Variants in DENND4C observed in about 807,000 individuals in gnomAD.
The protein encoded by DENND4C is DENN domain-containing protein 4C.
In DENND4C, 108 loss-of-function variants were observed where a neutral mutation model predicts 203.0. That is an observed-to-expected ratio of 0.53 (90% CI 0.46 to 0.62). The LOEUF is 0.62. Among genes scored for constraint, DENND4C ranks in the 20% least tolerant of loss-of-function variants. DENND4C has a pLI of 0.00. For missense variants in DENND4C, 2,481 were observed against 2,301.2 expected (o/e 1.08, Z -1.60); for synonymous variants, 871 against 792.4 (o/e 1.10, Z -1.67).
intron 26 of DENND4C, among the ~76,000 whole-genome samples, chr9:19,353,649 T>C (rs1824687767): frequency 6.7e-6 from 1 of 148,982 alleles, no homozygotes; most frequent in African/African-American, 2.5e-5. Context: ...CAAAAACATT[T>C]AGGCTGGGCA....
intron 10 of DENND4C, among the ~76,000 whole-genome samples, chr9:19,315,155 CAAAA>C (rs10623955): frequency 8.4e-6 from 1 of 119,480 alleles, no homozygotes; most frequent in Non-Finnish European, 1.7e-5. Context: ...GACTCCGTCT[CAAAA>C]AAAAAAAAAA....
At chr9:19,349,379 G>T (rs55848064) in intron 23 of DENND4C, among the ~76,000 whole-genome samples, 1,731 of 152,312 alleles carry the variant, frequency 0.011, 31 homozygotes, top group African/African-American at 0.037. Flanking sequence ...CTGCACTCCA[G>T]CCTGGGTGAT....
chr9:19,284,488 T>G (rs1289887535), intron 2 of DENND4C, among the ~76,000 whole-genome samples: 2 of 152,224 alleles, frequency 1.3e-5, no homozygotes, highest in Non-Finnish European at 2.9e-5. Flanking sequence ...AAAAAATTGC[T>G]GGATTAAAAG....
At chr9:19,351,839 A>G (rs1345941288) in intron 24 of DENND4C, among the ~76,000 whole-genome samples, 7 of 151,972 alleles carry the variant, frequency 4.6e-5, no homozygotes, top group Non-Finnish European at 1.0e-4. Context: ...AAAAAATTTC[A>G]AATGTCCTGA....
At chr9:19,289,920 T>A (rs1365633916) in intron 4 of DENND4C, among the ~76,000 whole-genome samples, 1 of 151,936 alleles carries the variant, frequency 6.6e-6, no homozygotes, top group Non-Finnish European at 1.5e-5. Flanking sequence ...TTGTTTTTGG[T>A]GGAGAAAAGA....
At chr9:19,354,913 TTTG>T (rs896211344) in intron 26 of DENND4C, among the ~76,000 whole-genome samples, 3 of 148,878 alleles carry the variant, frequency 2.0e-5, no homozygotes, top group African/African-American at 7.6e-5. Flanking sequence ...TTTTTGGCTG[TTTG>T]TTTTTTTTTT....
chr9:19,253,770 A>G (rs577523871), intron 1 of DENND4C, among the ~76,000 whole-genome samples: 66 of 152,182 alleles, frequency 4.3e-4, no homozygotes, highest in African/African-American at 1.5e-3. Context: ...GACCTAACCC[A>G]GTGCATTTAG....
At chr9:19,302,445 C>T (rs879891476) in intron 9 of DENND4C, among the ~76,000 whole-genome samples, 3 of 152,100 alleles carry the variant, frequency 2.0e-5, no homozygotes, top group Non-Finnish European at 2.9e-5. Flanking sequence ...TGTAACATAC[C>T]TTTTGTTGAA....
At chr9:19,298,809 AT>A (rs752512961) in intron 7 of DENND4C, among the ~76,000 whole-genome samples, 3 of 152,164 alleles carry the variant, frequency 2.0e-5, no homozygotes, top group Non-Finnish European at 4.4e-5. Flanking sequence ...CATTCTTAAC[AT>A]TATGTATGGT....
At chr9:19,343,020 C>A (rs566762285) in intron 22 of DENND4C, among the ~76,000 whole-genome samples, 83 of 151,948 alleles carry the variant, frequency 5.5e-4, no homozygotes, top group Non-Finnish European at 1.1e-3. Flanking sequence ...GTTGTGGTGC[C>A]TGTCCACCGT....
At chr9:19,235,725 C>T (rs1821804681) in intron 1 of DENND4C, among the ~76,000 whole-genome samples, 2 of 150,262 alleles carry the variant, frequency 1.3e-5, no homozygotes, top group Non-Finnish European at 1.5e-5. Context: ...ATTCTCCTGC[C>T]TCAGCCTCCC....
chr9:19,313,861 C>G (rs1841228093), intron 10 of DENND4C, among the ~76,000 whole-genome samples: 1 of 152,062 alleles, frequency 6.6e-6, no homozygotes, highest in South Asian at 2.1e-4. Flanking sequence ...CAGGGGAGAT[C>G]CCTCCCCTAA....
chr9:19,366,465 G>A (rs200235020), intron 30 of DENND4C, among the ~76,000 whole-genome samples: 17 of 152,116 alleles, frequency 1.1e-4, no homozygotes, highest in South Asian at 6.2e-4. Context: ...TTAGCCAGGC[G>A]TGGTGGCGGG....
chr9:19,351,538 T>C (rs1824114041), intron 24 of DENND4C, among the ~76,000 whole-genome samples: 1 of 152,202 alleles, frequency 6.6e-6, no homozygotes, highest in Non-Finnish European at 1.5e-5. Flanking sequence ...CCGGACACAG[T>C]GGCTCATGCC....
chr9:19,350,178 T>A (rs1331455363), intron 23 of DENND4C, among the ~76,000 whole-genome samples: 1 of 152,222 alleles, frequency 6.6e-6, no homozygotes, highest in Admixed American at 6.5e-5. Flanking sequence ...AATATTGATA[T>A]TTGTTATTCT....
At chr9:19,243,933 C>A (rs1204345389) in intron 1 of DENND4C, among the ~76,000 whole-genome samples, 3 of 152,176 alleles carry the variant, frequency 2.0e-5, no homozygotes, top group African/African-American at 7.2e-5. Context: ...GCCTTAGCCT[C>A]CTGAGTAGCT....
At chr9:19,312,961 AT>A (rs1841040674) in intron 10 of DENND4C, among the ~76,000 whole-genome samples, 1 of 152,138 alleles carries the variant, frequency 6.6e-6, no homozygotes, top group Admixed American at 6.5e-5. Context: ...CCAATCTAAC[AT>A]TTGTCTTTTT....
intron 1 of DENND4C, among the ~76,000 whole-genome samples, chr9:19,271,696 G>A (rs1831705191): frequency 6.6e-6 from 1 of 151,698 alleles, no homozygotes; most frequent in Admixed American, 6.6e-5. Context: ...GAGAAACCCC[G>A]TCTCTACTAA....
intron 2 of DENND4C, among the ~76,000 whole-genome samples, chr9:19,280,871 G>C (rs1317620250): frequency 6.6e-6 from 1 of 152,066 alleles, no homozygotes; most frequent in Non-Finnish European, 1.5e-5. Context: ...CTCCCGAGTA[G>C]CTGGGACTAC....
Sources: gnomAD v4.1 joint callset for allele counts (sites outside exome capture counted in the v4.1 genomes callset) on GRCh38, gnomAD v4.1.1 for gene constraint, MANE v1.5 for transcripts, NCBI Gene and HGNC (gene_info 2026-07-23, HGNC 2026-07-21) for gene names.